MAP2K1: variants seen among roughly 807,000 people sequenced by gnomAD.
MAP2K1 encodes the protein mitogen-activated protein kinase kinase 1, also known as dual specificity mitogen-activated protein kinase kinase 1.
MAP2K1 carries 16 observed loss-of-function variants against 46.3 expected under a neutral mutation model. That is an observed-to-expected ratio of 0.35 (90% CI 0.23 to 0.52). The LOEUF (loss-of-function observed/expected upper bound fraction) is 0.52. MAP2K1 is among the 20% of genes least tolerant of loss of function. MAP2K1 has a pLI of 0.94. For synonymous variants in MAP2K1, 183 were observed against 185.6 expected (o/e 0.99, Z 0.11); for missense variants, 263 against 497.1 (o/e 0.53, Z 4.48).
intron 8 of MAP2K1, among the ~76,000 whole-genome samples, chr15:66,488,155 C>T (rs1893111270): frequency 6.6e-6 from 1 of 152,180 alleles, no homozygotes; most frequent in Non-Finnish European, 1.5e-5. Context: ...CCCTCTGCTG[C>T]CTAGCTCTTT....
At chr15:66,489,096 G>A (rs1893151145) in intron 8 of MAP2K1, 119 bp from the exon 9 acceptor site, 5 of 796,826 alleles carry the variant, frequency 6.3e-6, no homozygotes, top group African/African-American at 5.1e-5. Flanking sequence ...TACTGCCTTT[G>A]GACTGCAGAG....
chr15:66,443,282 T>C lies in MAP2K1; in HGVS notation c.441T>C (p.Asp147=), dbSNP rs779497093. 6.2e-7 allele frequency: 1 copy of C among 1,604,042 alleles called. No individual in the cohort carries two copies. Among genetic ancestry groups the C allele is most frequent in the Non-Finnish European group, 8.5e-7 (1 of 1,170,916 alleles). The change falls in exon 4 of 11, where the codon GAT becomes GAC. Residue 147 remains aspartate (D), a splice_region_variant and synonymous_variant. Transcript: ENST00000307102. ...GEISICMEHM[D]GGSLDQVLKK... ...TGGTCTGGTATTCTCGATCTTAGGA[T>C]GGAGGTTCTCTGGATCAAGTCCTGA...
At chr15:66,414,771 C>G (rs1328976801) in intron 1 of MAP2K1, among the ~76,000 whole-genome samples, 1 of 151,232 alleles carries the variant, frequency 6.6e-6, no homozygotes, top group Non-Finnish European at 1.5e-5. Flanking sequence ...GGCCAGCCCC[C>G]ATCCTGTGTC....
At position 66,446,071 on chromosome 15, in the gene MAP2K1, G is replaced by A. The variant is rs1037715758; in HGVS notation, c.568+1364G>A. On this transcript the variant is annotated intron_variant, in intron 5 of 10. Transcript: ENST00000307102. Reference sequence around the variant, plus strand: ...AAACCTTGTCTCTGCTAAAAGTACCGAAAATTAGCCGGGCGTGGTGGCGGG... The same window carrying A: ...AAACCTTGTCTCTGCTAAAAGTACCAAAAATTAGCCGGGCGTGGTGGCGGG... Among the ~76,000 whole-genome samples, 4 of 151,816 alleles carry A rather than the reference G, an allele frequency of 2.6e-5. No homozygotes were observed. In the East Asian group the frequency reaches 5.8e-4, roughly 22 times the overall value.
intron 1 of MAP2K1, among the ~76,000 whole-genome samples, chr15:66,433,004 ACAGCTTTTCG>A (rs1236036013): frequency 7.2e-5 from 2 of 27,896 alleles, no homozygotes; most frequent in East Asian, 3.6e-3. Flanking sequence ...GTGTGTGTTG[ACAGCTTTTCG>A]AATCTGCATT....
chr15:66,489,739 G>C lies in MAP2K1; in HGVS notation c.1044G>C (p.Glu348Asp). ...TAAGCTTAATAAAAAACCCCGCAGA[G>C]AGAGCAGATTTGAAGCAACTCATGG... ...VNKCLIKNPA[E>D]RADLKQLMVH... is the part of the protein sequence containing the mutation. The change falls in exon 10 of 11, where the codon GAG (glutamate) becomes GAC (aspartate). Residue 348 changes from glutamate (E) to aspartate (D), a missense_variant. Physicochemically the swap from Glu to Asp is conservative, Grantham distance 45 (BLOSUM62 2). Transcript: ENST00000307102. 1 of 1,614,038 alleles carries C rather than the reference G, an allele frequency of 6.2e-7. No homozygotes were observed. Among genetic ancestry groups the C allele is most frequent in the Non-Finnish European group, 8.5e-7 (1 of 1,179,870 alleles).
intron 1 of MAP2K1, among the ~76,000 whole-genome samples, chr15:66,390,856 T>C (rs2093354747): frequency 6.6e-6 from 1 of 152,118 alleles, no homozygotes; most frequent in Admixed American, 6.6e-5. Flanking sequence ...CTAGTCCTCT[T>C]TCACTTCCTC....
intron 1 of MAP2K1, among the ~76,000 whole-genome samples, chr15:66,425,002 G>A (rs540940037): frequency 1.1e-4 from 16 of 151,928 alleles, no homozygotes; most frequent in African/African-American, 2.2e-4. Flanking sequence ...CTCCATGTTC[G>A]TCAGGCTGTT....
chr15:66,426,322 C>G (rs2093458681), intron 1 of MAP2K1, among the ~76,000 whole-genome samples: 1 of 148,500 alleles, frequency 6.7e-6, no homozygotes, highest in Admixed American at 6.8e-5. Flanking sequence ...CTTGCCTGTT[C>G]CAACTTCATA....
chr15:66,430,512 ACCT>A (rs1354416184), intron 1 of MAP2K1, among the ~76,000 whole-genome samples: 14 of 151,650 alleles, frequency 9.2e-5, no homozygotes, highest in Non-Finnish European at 1.5e-5. Flanking sequence ...TCACCCCCCT[ACCT>A]CCTCCTGTCA....
intron 1 of MAP2K1, among the ~76,000 whole-genome samples, chr15:66,414,065 TG>T (rs1442632708): frequency 6.6e-6 from 1 of 152,072 alleles, no homozygotes; most frequent in Non-Finnish European, 1.5e-5. Context: ...TAGGAGTTTC[TG>T]GCCTATCTGG....
At chr15:66,405,036 C>T (rs1391256501) in intron 1 of MAP2K1, among the ~76,000 whole-genome samples, 3 of 152,174 alleles carry the variant, frequency 2.0e-5, no homozygotes, top group Non-Finnish European at 4.4e-5. Context: ...AAAATAGCTA[C>T]CATTTATGAA....
chr15:66,490,521 G>C lies in MAP2K1; in HGVS notation c.1088G>C (p.Arg363Thr), dbSNP rs1423712737. ...KQLMVHAFIK[R>T]SDAEEVDFAG... ...ATGCAGGTTCATGCTTTTATCAAGA[G>C]ATCTGATGCTGAGGAAGTGGATTTT... Residue 363 changes from arginine to threonine, a missense_variant, in exon 11 of 11, where the codon AGA becomes ACA. Arg to Thr is a moderately conservative substitution (Grantham distance 71). Around this residue, in one of 4 missense-constraint regions of MAP2K1, gnomAD observed 118 missense variants for 193.0 expected, o/e 0.61. Coordinates refer to ENST00000307102, the MANE Select transcript of MAP2K1 (RefSeq NM_002755.4). 1.2e-6 allele frequency: 2 copies of C among 1,613,780 alleles called. No individual in the cohort carries two copies. The highest frequency in any genetic ancestry group is 1.7e-5 in the Admixed American group (1 of 60,010).
intron 1 of MAP2K1, among the ~76,000 whole-genome samples, chr15:66,396,084 G>A (rs1317988266): frequency 2.0e-5 from 3 of 151,848 alleles, no homozygotes; most frequent in Non-Finnish European, 4.4e-5. Flanking sequence ...TCGCCTCAGT[G>A]CAACCTATGC....
At chr15:66,473,116 A>G (rs1341292680) in intron 5 of MAP2K1, among the ~76,000 whole-genome samples, 1 of 152,356 alleles carries the variant, frequency 6.6e-6, no homozygotes, top group East Asian at 1.9e-4. Context: ...ATACTGTGAT[A>G]CATTGCATAT....
chr15:66,433,257 A>G (rs955868078), intron 1 of MAP2K1, among the ~76,000 whole-genome samples: 2 of 152,214 alleles, frequency 1.3e-5, no homozygotes, highest in Admixed American at 6.5e-5. Flanking sequence ...CGAACCTTGG[A>G]TGAAAATATT....
intron 5 of MAP2K1, among the ~76,000 whole-genome samples, chr15:66,479,025 C>A (rs2140663366): frequency 6.6e-6 from 1 of 151,860 alleles, no homozygotes; most frequent in South Asian, 2.1e-4. Flanking sequence ...GGCCTGGGAT[C>A]TGCTTTCAGC....
At chr15:66,471,954 G>A (rs1182088301) in intron 5 of MAP2K1, among the ~76,000 whole-genome samples, 1 of 151,642 alleles carries the variant, frequency 6.6e-6, no homozygotes. Context: ...GCAGGTGCCT[G>A]TAGTCCCAGC....
intron 1 of MAP2K1, among the ~76,000 whole-genome samples, chr15:66,428,527 T>C (rs1200104946): frequency 6.6e-6 from 1 of 152,082 alleles, no homozygotes; most frequent in Non-Finnish European, 1.5e-5. Flanking sequence ...TTTCAACTGA[T>C]TGGCTGAGGC....
Sources: gnomAD v4.1 joint callset for allele counts (sites outside exome capture counted in the v4.1 genomes callset) on GRCh38, gnomAD v4.1.1 for gene constraint, gnomAD v4.1.1 regional missense constraint, MANE v1.5 for transcripts, NCBI Gene and HGNC (gene_info 2026-07-23, HGNC 2026-07-21) for gene names.